SDCCAG8: variants seen among roughly 807,000 people sequenced by gnomAD.
SDCCAG8 encodes serologically defined colon cancer antigen 8.
In SDCCAG8, 74 loss-of-function variants were observed where a neutral mutation model predicts 101.8. The ratio of observed to expected loss-of-function variants is 0.73; its 90% CI spans 0.60 to 0.88. The LOEUF is 0.88. Ranked by LOEUF, SDCCAG8 falls within the 40% of genes least tolerant of loss-of-function variation. SDCCAG8 has a pLI of 0.00. For missense variants in SDCCAG8, 787 were observed against 822.6 expected, an observed-to-expected ratio of 0.96 and a Z score of 0.53; for synonymous variants, 281 against 292.9, an observed-to-expected ratio of 0.96 and a Z score of 0.41.
intron 12 of SDCCAG8, 86 bp from the exon 13 acceptor site, chr1:243,378,635 T>G: frequency 6.9e-7 from 1 of 1,440,634 alleles, no homozygotes; most frequent in Non-Finnish European, 9.6e-7. Context: ...AAATTGAAAT[T>G]CATGGCAAAA....
At chr1:243,364,022 A>T (rs936154861) in intron 12 of SDCCAG8, among the ~76,000 whole-genome samples, 1 of 152,220 alleles carries the variant, frequency 6.6e-6, no homozygotes, top group Non-Finnish European at 1.5e-5. Flanking sequence ...AATTTTACAG[A>T]AATATTTACA....
At chr1:243,354,059 G>C (rs1246282331) in intron 12 of SDCCAG8, among the ~76,000 whole-genome samples, 2 of 152,094 alleles carry the variant, frequency 1.3e-5, no homozygotes, top group Non-Finnish European at 2.9e-5. Context: ...TTTACTTAAG[G>C]ACCATGAGTA....
intron 13 of SDCCAG8, among the ~76,000 whole-genome samples, chr1:243,390,775 C>G (rs2078652966): frequency 6.6e-6 from 1 of 152,164 alleles, no homozygotes. Flanking sequence ...CAATGAGCAT[C>G]AGGTTCAATG....
chr1:243,279,555 C>T (rs559397018), intron 4 of SDCCAG8, among the ~76,000 whole-genome samples: 1 of 152,292 alleles, frequency 6.6e-6, no homozygotes, highest in African/African-American at 2.4e-5. Context: ...AGCATAATAA[C>T]GTCAAAAAAA....
intron 13 of SDCCAG8, among the ~76,000 whole-genome samples, chr1:243,394,828 A>G (rs1330576301): frequency 6.7e-6 from 1 of 149,804 alleles, no homozygotes; most frequent in Admixed American, 6.6e-5. Flanking sequence ...ACCTGGCAAC[A>G]TTGCTTCAAT....
chr1:243,302,684 C>T (rs541133076), intron 6 of SDCCAG8, among the ~76,000 whole-genome samples: 6 of 152,284 alleles, frequency 3.9e-5, no homozygotes, highest in South Asian at 2.1e-4. Context: ...GCTCTGGCCA[C>T]GCAGAACCCC....
intron 4 of SDCCAG8, among the ~76,000 whole-genome samples, chr1:243,278,500 T>G (rs1003556976): frequency 6.6e-6 from 1 of 152,224 alleles, no homozygotes; most frequent in African/African-American, 2.4e-5. Context: ...ATTACAGGCA[T>G]GAGCCACTGT....
intron 12 of SDCCAG8, among the ~76,000 whole-genome samples, chr1:243,375,593 G>C (rs2077553529): frequency 6.6e-6 from 1 of 152,112 alleles, no homozygotes; most frequent in Non-Finnish European, 1.5e-5. Flanking sequence ...GATACCTTTT[G>C]ATAAGGTGTA....
At chr1:243,468,937 T>C (rs1660687578) in intron 16 of SDCCAG8, among the ~76,000 whole-genome samples, 1 of 152,224 alleles carries the variant, frequency 6.6e-6, no homozygotes, top group Admixed American at 6.5e-5. Context: ...ATAATGATTG[T>C]ATGTTTATTT....
intron 13 of SDCCAG8, among the ~76,000 whole-genome samples, chr1:243,397,901 A>G (rs1360969230): frequency 1.3e-5 from 2 of 152,250 alleles, no homozygotes; most frequent in African/African-American, 4.8e-5. Context: ...ACTGCAAACC[A>G]GAGATAGCCC....
chr1:243,384,393 A>T (rs994335851), intron 13 of SDCCAG8, among the ~76,000 whole-genome samples: 6 of 152,130 alleles, frequency 3.9e-5, no homozygotes, highest in Non-Finnish European at 5.9e-5. Flanking sequence ...TAAGGCTAAA[A>T]TTTTTTATTG....
At chr1:243,459,880 C>G (rs1658715384) in intron 16 of SDCCAG8, among the ~76,000 whole-genome samples, 1 of 152,204 alleles carries the variant, frequency 6.6e-6, no homozygotes, top group Non-Finnish European at 1.5e-5. Context: ...TAGTAAGTTT[C>G]TAATCAGTTT....
chr1:243,355,091 C>T (rs2076309954), intron 12 of SDCCAG8, among the ~76,000 whole-genome samples: 1 of 152,182 alleles, frequency 6.6e-6, no homozygotes, highest in African/African-American at 2.4e-5. Flanking sequence ...TTTCATATTA[C>T]TCTTCTTAAC....
At chr1:243,337,316 G>C (rs1370749109) in intron 10 of SDCCAG8, among the ~76,000 whole-genome samples, 2 of 152,168 alleles carry the variant, frequency 1.3e-5, no homozygotes, top group African/African-American at 4.8e-5. Flanking sequence ...TCAGATGGCT[G>C]TATGTGTGTG....
At chr1:243,374,395 T>G (rs1347748944) in intron 12 of SDCCAG8, among the ~76,000 whole-genome samples, 2 of 152,016 alleles carry the variant, frequency 1.3e-5, no homozygotes, top group Admixed American at 6.6e-5. Context: ...GATTCAGCAT[T>G]GCAAAATTTC....
At chr1:243,407,867 A>G (rs950496477) in intron 13 of SDCCAG8, among the ~76,000 whole-genome samples, 6 of 152,150 alleles carry the variant, frequency 3.9e-5, no homozygotes, top group Non-Finnish European at 8.8e-5. Context: ...ATACTTAAGG[A>G]AGTAGAGATT....
chr1:243,293,400 A>G (rs1036393703), intron 6 of SDCCAG8, 181 bp downstream of exon 6: 2 of 761,744 alleles, frequency 2.6e-6, no homozygotes, highest in Non-Finnish European at 2.3e-6. Context: ...CATTTTCAGA[A>G]CTTTTTGATC....
intron 16 of SDCCAG8, among the ~76,000 whole-genome samples, chr1:243,444,987 T>G (rs2148108935): frequency 6.6e-6 from 1 of 152,342 alleles, no homozygotes. Context: ...GCAACTTAAA[T>G]CTTATTTTAA....
At chr1:243,411,904 C>CT (rs1468476516) in intron 13 of SDCCAG8, among the ~76,000 whole-genome samples, 1 of 152,090 alleles carries the variant, frequency 6.6e-6, no homozygotes, top group African/African-American at 2.4e-5. Flanking sequence ...CCAAGAAATT[C>CT]TTTTTTACTC....
Sources: allele counts gnomAD v4.1 joint callset (sites outside exome capture counted in the v4.1 genomes callset), GRCh38; gene constraint gnomAD v4.1.1; transcripts MANE v1.5; gene names NCBI Gene and HGNC (gene_info 2026-07-23, HGNC 2026-07-21).